The following ZIC4 variants were observed in gnomAD, a reference collection of about 807,000 sequenced individuals.
ZIC4 encodes the protein zinc finger protein ZIC 4.
ZIC4 carries 15 observed loss-of-function variants against 28.8 expected under a neutral mutation model. The observed-to-expected ratio is 0.52, with a 90% confidence interval of 0.35 to 0.80. ZIC4 has a LOEUF of 0.80. ZIC4 is among the 30% of genes least tolerant of loss of function. The probability of loss-of-function intolerance (pLI) is 0.01; values close to 1 mark genes in which losing one functional copy is unlikely to be tolerated. For synonymous variants in ZIC4, 220 were observed against 198.1 expected (o/e 1.11, Z -0.93); for missense variants, 512 against 467.1 (o/e 1.10, Z -0.89).
intron 4 of ZIC4, among the ~76,000 whole-genome samples, chr3:147,389,978 TG>T: frequency 6.6e-6 from 1 of 152,216 alleles, no homozygotes; most frequent in East Asian, 1.9e-4. Context: ...CTACAGGGGT[TG>T]GGGTGGGAAA....
rs551579419 is a variant in ZIC4 at position 147,405,285 on chromosome 3, G to A, written c.-16+1078C>T. The A allele has an allele frequency of 2.9e-5, 37 of 1,278,366 alleles. 1 individual carries two copies. The South Asian group carries it at 4.5e-4, about 16-fold the overall frequency. The allele number at this position is 1,278,366 out of a possible 1,614,324, so 79.2% of individuals were successfully genotyped here. A position where few individuals can be genotyped will look rare whatever the true frequency, so the allele number is the denominator to read the frequency against. The stretch of plus-strand genomic sequence containing the variant: ...TGAATCACCCCTCCCCCAACCTGCA[G>A]GCGGCTGAGACAGGAGAAAAAAGAG... On this transcript the variant is annotated intron_variant, in intron 1 of 4. Coordinates refer to ENST00000383075, the MANE Select transcript of ZIC4 (RefSeq NM_032153.6).
chr3:147,396,551 G>A lies in ZIC4; in HGVS notation c.71-82C>T. On this transcript the variant is annotated intron_variant, in intron 2 of 4. Transcript: ENST00000383075. The surrounding 1 kb of genome is among the most constrained non-coding windows in gnomAD (Gnocchi z 4.2). ...CCCTGGGCCCCGGGGGGCAGGCCCA[G>A]CCCTGCCGCACTACGGCCTCTGCAG... 4.1e-6 allele frequency: 6 copies of A among 1,454,888 alleles called. No individual in the cohort carries two copies. Among genetic ancestry groups the A allele is most frequent in the Non-Finnish European group, 5.4e-6 (6 of 1,110,074 alleles). 90.1% of individuals were successfully genotyped at this position (1,454,888 alleles called of 1,614,324 possible). A position where few individuals can be genotyped will look rare whatever the true frequency, so the allele number is the denominator to read the frequency against.
Position 147,396,220 on chromosome 3 carries a change from A to C in ZIC4, c.320T>G (p.Leu107Arg). ...GYGGMNLTVNLAAPHGPGAFF... is the reference protein window; with the variant it reads ...GYGGMNLTVNRAAPHGPGAFF... ...AGCGCCAGGACCGTGGGGCGCAGCG[A>C]GGTTCACCGTCAGGTTCATGCCCCC... The change falls in exon 3 of 5, where the codon CTC (leucine) becomes CGC (arginine). Residue 107 changes from leucine to arginine, a missense_variant. By Grantham distance (102) the Leu-to-Arg change is moderately radical (BLOSUM62 -2). Coordinates refer to ENST00000383075, the MANE Select transcript of ZIC4 (RefSeq NM_032153.6). This position sits in a 1 kb window ranked among gnomAD's most constrained non-coding sequence, Gnocchi z 4.2. 3.1e-6 allele frequency: 5 copies of C among 1,613,918 alleles called. No homozygotes were observed. Among genetic ancestry groups the C allele is most frequent in the Non-Finnish European group, 4.2e-6 (5 of 1,179,948 alleles).
intron 3 of ZIC4, chr3:147,394,046 GT>G (rs1217714871): frequency 4.5e-6 from 2 of 446,432 alleles, no homozygotes; most frequent in Non-Finnish European, 9.0e-6. Context: ...TTATTTTCCT[GT>G]TGAATCGAGA....
rs183217537 is a variant in ZIC4 at position 147,390,970 on chromosome 3, G to C, written c.965C>G (p.Ser322Trp). ...GGCGGTACGCGCCGCCACCGCCGCC[G>C]AGGAGGCCACCTGGGACTTGTGGCC... The part of the protein sequence containing the change: ...DCGHKSQVAS[S>W]AAVAARTADL... The change falls in exon 4 of 5, where the codon TCG becomes TGG. Residue 322 changes from serine (S) to tryptophan (W), a missense_variant. Transcript: ENST00000383075. 13 of 1,612,108 alleles carry C rather than the reference G, an allele frequency of 8.1e-6. No homozygotes were observed. The highest frequency in any genetic ancestry group is 1.3e-5 in the African/African-American group (1 of 74,922).
At position 147,391,016 on chromosome 3, in the gene ZIC4, C is replaced by A. The variant is rs573214910; in HGVS notation, c.919G>T (p.Val307Leu). 7 of 1,613,476 alleles carry A rather than the reference C, an allele frequency of 4.3e-6. No homozygotes were observed. Among genetic ancestry groups the A allele is most frequent in the East Asian group, 4.5e-5 (2 of 44,878 alleles). Residue 307 changes from valine to leucine, a missense_variant, in exon 4 of 5, where the codon GTG becomes TTG. Val to Leu is a conservative substitution (Grantham distance 32). Around this residue, in one of 3 missense-constraint regions of ZIC4, gnomAD observed 144 missense variants for 116.8 expected, o/e 1.23. Coordinates refer to ENST00000383075, the MANE Select transcript of ZIC4 (RefSeq NM_032153.6). ...GYDSATPSAL[V>L]SPSSDCGHKS... ...TGGCCGCAGTCCGACGAGGGCGACA[C>A]GAGGGCAGACGGTGTAGCCGAATCG...
rs532932300 is a variant in ZIC4 at position 147,391,056 on chromosome 3, C to A, written c.879G>T (p.Pro293=). Residue 293 remains proline, a synonymous_variant, in exon 4 of 5, where the codon CCG becomes CCT. Transcript: ENST00000383075. The part of the protein sequence containing the change: ...KHMKVHGRSP[P]PSSGYDSATP... ...TAGCCGAATCGTAGCCAGAGCTGGGCGGCGGCGAGCGCCCGTGCACCTTCA... is the reference window on the plus strand; with the variant it reads ...TAGCCGAATCGTAGCCAGAGCTGGGAGGCGGCGAGCGCCCGTGCACCTTCA... 5.0e-6 allele frequency: 8 copies of A among 1,613,774 alleles called. No individual in the cohort carries two copies. Among genetic ancestry groups the A allele is most frequent in the African/African-American group, 1.3e-5 (1 of 75,066 alleles).
chr3:147,399,195 A>G (rs1246798151), intron 2 of ZIC4, among the ~76,000 whole-genome samples: 1 of 152,114 alleles, frequency 6.6e-6, no homozygotes, highest in African/African-American at 2.4e-5. Flanking sequence ...CTCTCAGGAT[A>G]TGTCTCCCTG....
chr3:147,396,351 C>A lies in ZIC4; in HGVS notation c.189G>T (p.Leu63=). ...ASPSRPLNGL[L]RLGLPGDMYA... The stretch of plus-strand genomic sequence containing the variant: ...ACATGTCTCCAGGGAGCCCCAGACG[C>A]AGGAGTCCATTCAAAGGACGGCTGG... The change falls in exon 3 of 5, where the codon CTG becomes CTT. Residue 63 remains leucine (L), a synonymous_variant. Transcript: ENST00000383075. The surrounding 1 kb of genome is among the most constrained non-coding windows in gnomAD (Gnocchi z 4.2). The A allele has an allele frequency of 6.4e-7, 1 of 1,562,940 alleles. No individual in the cohort carries two copies. The highest frequency in any genetic ancestry group is 8.6e-7 in the Non-Finnish European group (1 of 1,157,208).
chr3:147,405,956 G>T (rs2087268535), intron 1 of ZIC4: 1 of 164,854 alleles, frequency 6.1e-6, no homozygotes, highest in Admixed American at 5.7e-5. Flanking sequence ...TTTTTCGCGA[G>T]GGAAGCTCTG....
intron 2 of ZIC4, among the ~76,000 whole-genome samples, chr3:147,398,141 G>A (rs2087089177): frequency 1.3e-5 from 2 of 152,174 alleles, no homozygotes; most frequent in Admixed American, 6.5e-5. Flanking sequence ...AAAGGAGTCG[G>A]GCGTGGATCC....
intron 3 of ZIC4, among the ~76,000 whole-genome samples, chr3:147,394,692 A>C (rs1373084103): frequency 6.6e-6 from 1 of 152,140 alleles, no homozygotes; most frequent in Admixed American, 6.5e-5. Flanking sequence ...GGGAAACCGT[A>C]CACTTCCAGA....
intron 1 of ZIC4, chr3:147,403,727 T>A: frequency 2.6e-6 from 1 of 388,884 alleles, no homozygotes; most frequent in Non-Finnish European, 4.6e-6. Context: ...GCAAGTCCTC[T>A]GTCAATGGGG....
chr3:147,403,917 C>A, intron 1 of ZIC4: 1 of 1,501,542 alleles, frequency 6.7e-7, no homozygotes, highest in Non-Finnish European at 8.8e-7. Flanking sequence ...CCTTCCATCT[C>A]CCCTCTTTTC....
intron 2 of ZIC4, among the ~76,000 whole-genome samples, chr3:147,400,497 G>C (rs937721847): frequency 6.6e-6 from 1 of 152,162 alleles, no homozygotes; most frequent in East Asian, 1.9e-4. Flanking sequence ...CTTCTTGCTT[G>C]AGTAGCCAGG....
In ZIC4 at chr3:147,388,717, C is replaced by A; in HGVS notation, c.*142G>T. On this transcript the variant is annotated 3_prime_UTR_variant, in exon 5 of 5. Transcript: ENST00000383075. ...GATTTCAGTGCGACTTGCACATTGC[C>A]ATAGAAATCCTAACTTACCATGAAG... The A allele has an allele frequency of 1.5e-6, 1 of 670,712 alleles. No homozygotes were observed. Among genetic ancestry groups the A allele is most frequent in the Non-Finnish European group, 2.7e-6 (1 of 367,842 alleles). 41.5% of individuals were successfully genotyped at this position (670,712 alleles called of 1,614,324 possible). A position where few individuals can be genotyped will look rare whatever the true frequency, so the allele number is the denominator to read the frequency against.
At chr3:147,389,294 G>A (rs773341838) in intron 4 of ZIC4, 21 of 174,298 alleles carry the variant, frequency 1.2e-4, no homozygotes, top group Non-Finnish European at 2.3e-4. Flanking sequence ...TGTGGGGGCT[G>A]CGGGCAGGAG....
intron 3 of ZIC4, among the ~76,000 whole-genome samples, chr3:147,394,988 ATG>A (rs963414428): frequency 6.6e-6 from 1 of 152,098 alleles, no homozygotes; most frequent in Non-Finnish European, 1.5e-5. Flanking sequence ...CGCCCCCAAA[ATG>A]GGGGAGGGGA....
chr3:147,396,314 C>G lies in ZIC4; in HGVS notation c.226G>C (p.Glu76Gln), dbSNP rs1338900998. The G allele has an allele frequency of 6.3e-7, 1 of 1,597,948 alleles. No homozygotes were observed. The highest frequency in any genetic ancestry group is 8.5e-7 in the Non-Finnish European group (1 of 1,172,514). Residue 76 changes from glutamate (E) to glutamine (Q), a missense_variant, in exon 3 of 5, where the codon GAG (glutamate) becomes CAG (glutamine). Physicochemically the swap from Glu to Gln is conservative, Grantham distance 29. This residue lies in a region of ZIC4 where 310 missense variants were observed against 256.5 expected (regional missense o/e 1.21). Transcript: ENST00000383075. The surrounding 1 kb of genome is among the most constrained non-coding windows in gnomAD (Gnocchi z 4.2). ...GLPGDMYARP[E>Q]PFPPGPAARS... ...GCCGCAGGCCCTGGCGGGAAGGGCT[C>G]CGGCCGCGCGTACATGTCTCCAGGG...
Sources: allele counts gnomAD v4.1 joint callset (sites outside exome capture counted in the v4.1 genomes callset), GRCh38; gene constraint gnomAD v4.1.1; regional missense constraint gnomAD v4.1.1; non-coding constraint Gnocchi (gnomAD v3.1); transcripts MANE v1.5; gene names NCBI Gene and HGNC (gene_info 2026-07-23, HGNC 2026-07-21).